Variants in SLC16A12 observed in about 807,000 individuals in gnomAD.
SLC16A12 encodes solute carrier family 16 member 12, also known as monocarboxylate transporter 12.
A neutral mutation model predicts 42.4 loss-of-function variants in SLC16A12; 17 were observed. The ratio of observed to expected loss-of-function variants is 0.40; its 90% CI spans 0.27 to 0.60. The LOEUF (loss-of-function observed/expected upper bound fraction) is 0.60, where lower values mean the gene tolerates loss of function less well. SLC16A12 is among the 20% of genes least tolerant of loss of function. The pLI is 0.42. For missense variants in SLC16A12, 544 were observed against 623.0 expected (o/e 0.87, Z 1.35); for synonymous variants, 224 against 229.4 (o/e 0.98, Z 0.21).
At chr10:89,487,673 G>A (rs190359183) in intron 2 of SLC16A12, among the ~76,000 whole-genome samples, 2,182 of 150,752 alleles carry the variant, frequency 0.014, 54 homozygotes, top group African/African-American at 0.018. Context: ...TTAGCTGGGC[G>A]TGGTGGTGCG....
rs1843496810 is a variant in SLC16A12 at position 89,528,829 on chromosome 10, C to T, written c.-47+5672G>A. Among the ~76,000 whole-genome samples the T allele has an allele frequency of 2.0e-5, 3 of 152,302 alleles. No homozygotes were observed. The South Asian group carries it at 6.2e-4, about 32-fold the overall frequency. On this transcript the variant is annotated intron_variant, in intron 2 of 7. Transcript: ENST00000371790. Reference sequence around the variant, plus strand: ...GGAATCAGAATTTTTCAGAGTAGGACATTGGTACCAGTTTTTTTCCTTCCT... The same window carrying T: ...GGAATCAGAATTTTTCAGAGTAGGATATTGGTACCAGTTTTTTTCCTTCCT...
chr10:89,529,382 A>G (rs772914066), intron 2 of SLC16A12, among the ~76,000 whole-genome samples: 1 of 152,042 alleles, frequency 6.6e-6, no homozygotes, highest in Non-Finnish European at 1.5e-5. Context: ...TAGTCTACAA[A>G]TGATTTGGGT....
chr10:89,497,743 A>AG (rs1842941366), intron 2 of SLC16A12, among the ~76,000 whole-genome samples: 2 of 151,774 alleles, frequency 1.3e-5, no homozygotes, highest in African/African-American at 2.4e-5. Flanking sequence ...GAAAGAGGAA[A>AG]AAAAAACCCA....
chr10:89,489,398 G>A (rs540689033), intron 2 of SLC16A12, among the ~76,000 whole-genome samples: 1 of 152,134 alleles, frequency 6.6e-6, no homozygotes, highest in African/African-American at 2.4e-5. Flanking sequence ...GGAGTGCAAT[G>A]GCGAGATCTA....
intron 2 of SLC16A12, among the ~76,000 whole-genome samples, chr10:89,475,860 A>G (rs1842569636): frequency 6.6e-6 from 1 of 152,228 alleles, no homozygotes; most frequent in East Asian, 1.9e-4. Context: ...CGTGATTCAC[A>G]TACGAGGCAG....
chr10:89,514,155 C>T (rs191179747), intron 2 of SLC16A12, among the ~76,000 whole-genome samples: 7 of 152,286 alleles, frequency 4.6e-5, no homozygotes, highest in Middle Eastern at 3.4e-3. Flanking sequence ...TCACAAGTGA[C>T]GCCTTCACTG....
chr10:89,438,670 A>G lies in SLC16A12; in HGVS notation c.962T>C (p.Leu321Pro). The change falls in exon 6 of 8, where the codon CTT (leucine) becomes CCT (proline). Residue 321 changes from leucine to proline, a missense_variant. By Grantham distance (98) the Leu-to-Pro change is moderately conservative. Transcript: ENST00000371790. ...VGVSHQQAAF[L>P]MSILGVIDII... ...GTCAATCACTCCAAGTATGGACATA[A>G]GAAAAGCAGCTTGCTGATGACTCAC... The G allele has an allele frequency of 1.2e-6, 2 of 1,614,108 alleles. No individual in the cohort carries two copies. The highest frequency in any genetic ancestry group is 1.7e-6 in the Non-Finnish European group (2 of 1,179,998).
intron 2 of SLC16A12, among the ~76,000 whole-genome samples, chr10:89,515,518 A>G (rs925257550): frequency 2.0e-5 from 3 of 152,208 alleles, no homozygotes; most frequent in Non-Finnish European, 2.9e-5. Context: ...TTACAGGCAC[A>G]GTAGAAGTTC....
chr10:89,478,708 C>T (rs917246787), intron 2 of SLC16A12, among the ~76,000 whole-genome samples: 2 of 152,204 alleles, frequency 1.3e-5, no homozygotes, highest in African/African-American at 2.4e-5. Context: ...TCTCTGCTTC[C>T]GATCTTTCTC....
At chr10:89,476,227 G>C (rs1177932084) in intron 2 of SLC16A12, among the ~76,000 whole-genome samples, 1 of 152,158 alleles carries the variant, frequency 6.6e-6, no homozygotes, top group Admixed American at 6.5e-5. Flanking sequence ...CTGGGAGTTT[G>C]AGATGCATTT....
chr10:89,530,981 C>T (rs143628814), intron 2 of SLC16A12, among the ~76,000 whole-genome samples: 60 of 152,220 alleles, frequency 3.9e-4, no homozygotes, highest in East Asian at 3.3e-3. Flanking sequence ...TCATCCATGT[C>T]GCAGCATGTG....
At chr10:89,440,444 T>C (rs1344205618) in intron 5 of SLC16A12, among the ~76,000 whole-genome samples, 1 of 152,220 alleles carries the variant, frequency 6.6e-6, no homozygotes, top group African/African-American at 2.4e-5. Flanking sequence ...ATTGACCTTA[T>C]TCACGCCACA....
rs1203199325 is a variant in SLC16A12, at chr10:89,530,030, A to G, written c.-47+4471T>C. Among the ~76,000 whole-genome samples the G allele has an allele frequency of 3.3e-5, 5 of 152,262 alleles. No homozygotes were observed. In the East Asian group the frequency reaches 9.6e-4, roughly 29 times the overall value. On this transcript the variant is annotated intron_variant, in intron 2 of 7. Coordinates refer to ENST00000371790, the MANE Select transcript of SLC16A12 (RefSeq NM_213606.4). The stretch of plus-strand genomic sequence containing the variant: ...GGAAAAGCAGAGTCAAAAAGTTGAT[A>G]CAACATATTTTGAACATTTTGTTTC...
intron 2 of SLC16A12, among the ~76,000 whole-genome samples, chr10:89,485,642 A>G (rs954297165): frequency 8.5e-5 from 13 of 152,188 alleles, no homozygotes; most frequent in Non-Finnish European, 1.8e-4. Context: ...GGAAGAGTGT[A>G]TTAAACACAG....
At chr10:89,484,496 G>A (rs1842718616) in intron 2 of SLC16A12, among the ~76,000 whole-genome samples, 1 of 152,100 alleles carries the variant, frequency 6.6e-6, no homozygotes, top group African/African-American at 2.4e-5. Context: ...ACAGTACCTG[G>A]CATATCCAGT....
Position 89,515,197 on chromosome 10 carries a change from T to C in SLC16A12, c.-47+19304A>G, listed in dbSNP as rs73373268. On this transcript the variant is annotated intron_variant, in intron 2 of 7. Transcript: ENST00000371790. ...GCAATTTCAATGGATGATGATTACA[T>C]GAGGACACATGGATTTCCCAAGACC... 6.4e-3 allele frequency among the ~76,000 whole-genome samples: 977 copies of C among 152,040 alleles called. 10 individuals carry two copies. The highest frequency in any genetic ancestry group is 0.022 in the African/African-American group (906 of 41,496).
At chr10:89,518,265 G>T (rs558456396) in intron 2 of SLC16A12, among the ~76,000 whole-genome samples, 1 of 152,266 alleles carries the variant, frequency 6.6e-6, no homozygotes, top group African/African-American at 2.4e-5. Flanking sequence ...TTCCCAAAAG[G>T]TTGGCTGCCA....
intron 2 of SLC16A12, among the ~76,000 whole-genome samples, chr10:89,476,236 T>G (rs764445540): frequency 6.6e-6 from 1 of 152,174 alleles, no homozygotes. Context: ...TGAGATGCAT[T>G]TCACAGAGTC....
intron 2 of SLC16A12, among the ~76,000 whole-genome samples, chr10:89,541,656 A>G (rs1459413978): frequency 2.0e-5 from 3 of 152,118 alleles, no homozygotes; most frequent in Non-Finnish European, 2.9e-5. Context: ...ATTAGGTTAG[A>G]CCCTCAAGGT....
Sources: gnomAD v4.1 joint callset for allele counts (sites outside exome capture counted in the v4.1 genomes callset) on GRCh38, gnomAD v4.1.1 for gene constraint, MANE v1.5 for transcripts, NCBI Gene and HGNC (gene_info 2026-07-23, HGNC 2026-07-21) for gene names.